The following SFPQ variants were observed in gnomAD, a reference collection of about 807,000 sequenced individuals.
SFPQ encodes the protein splicing factor proline and glutamine rich.
Under a neutral mutation model 72.9 loss-of-function variants are expected in SFPQ, and 11 were observed. The observed-to-expected ratio is 0.15, with a 90% CI of 0.09 to 0.25. The LOEUF is 0.25. Ranked by LOEUF, SFPQ falls within the 10% of genes least tolerant of loss-of-function variation. SFPQ has a pLI of 1.00. For missense variants in SFPQ, 847 were observed against 993.3 expected (o/e 0.85, Z 1.98); for synonymous variants, 506 against 367.3 (o/e 1.38, Z -4.32).
At chr1:35,190,347 T>C in intron 4 of SFPQ, 151 bp downstream of exon 4, 1 of 631,204 alleles carries the variant, frequency 1.6e-6, no homozygotes. Context: ...GAATAACAGC[T>C]TCAAATCTTT....
At chr1:35,181,779 T>C (rs1373781252), downstream of SFPQ, 1 of 985,144 alleles carries the variant, frequency 1.0e-6, no homozygotes, top group Non-Finnish European at 1.2e-6. Context: ...AGATCGACTT[T>C]TAGGAAACTA....
rs1372184297 is a variant in SFPQ at position 35,184,333 on chromosome 1, T to C, written c.*123A>G. 4 of 1,513,316 alleles carry C rather than the reference T, an allele frequency of 2.6e-6. No homozygotes were observed. Among genetic ancestry groups the C allele is most frequent in the Non-Finnish European group, 3.5e-6 (4 of 1,139,426 alleles). The allele number at this position is 1,513,316 out of a possible 1,614,324, so 93.7% of individuals were successfully genotyped here. A position where few individuals can be genotyped will look rare whatever the true frequency, so the allele number is the denominator to read the frequency against. On this transcript the variant is annotated 3_prime_UTR_variant, in exon 10 of 10. Transcript: ENST00000357214. The stretch of plus-strand genomic sequence containing the variant: ...TGCCCAAACAGACCATTTACAAATA[T>C]TAGGTCAATAAACTGCTAACATCCA...
intron 1 of SFPQ, among the ~76,000 whole-genome samples, chr1:35,191,800 A>C (rs1640013177): frequency 6.6e-6 from 1 of 152,232 alleles, no homozygotes. Context: ...TGTCCCTAAA[A>C]AAATCTAAAT....
downstream of SFPQ, chr1:35,178,282 C>A: frequency 9.1e-7 from 1 of 1,099,190 alleles, no homozygotes; most frequent in South Asian, 3.2e-5. Flanking sequence ...AAAAGCCTGA[C>A]TCTCAGTTTC....
chr1:35,184,396 A>G lies in SFPQ; in HGVS notation c.*60T>C. 1 of 1,579,676 alleles carries G rather than the reference A, an allele frequency of 6.3e-7. No individual in the cohort carries two copies. Among genetic ancestry groups the G allele is most frequent in the African/African-American group, 1.4e-5 (1 of 72,480 alleles). Reference sequence around the variant, plus strand: ...TTTCTTACTAAAATGCAAGAATTTAAAAGATTGGTATCTAAACAAAAAAAC... The same window carrying G: ...TTTCTTACTAAAATGCAAGAATTTAGAAGATTGGTATCTAAACAAAAAAAC... On this transcript the variant is annotated 3_prime_UTR_variant, in exon 10 of 10. Coordinates refer to ENST00000357214, the MANE Select transcript of SFPQ (RefSeq NM_005066.3).
In SFPQ at chr1:35,193,050, G is replaced by T; in HGVS notation, c.-1C>A. 1 of 1,573,914 alleles carries T rather than the reference G, an allele frequency of 6.4e-7. No homozygotes were observed. Among genetic ancestry groups the T allele is most frequent in the Non-Finnish European group, 8.6e-7 (1 of 1,168,128 alleles). On this transcript the variant is annotated 5_prime_UTR_variant, in exon 1 of 10. Coordinates refer to ENST00000357214, the MANE Select transcript of SFPQ (RefSeq NM_005066.3). ...GACTCCGGAACCGATCCCGAGACAT[G>T]TCTGTGGTCAAGGGGCGGTCGAGGC... is the stretch of plus-strand genomic sequence containing the variant.
At position 35,189,162 on chromosome 1, in the gene SFPQ, A is replaced by G. The variant is rs1298826782; in HGVS notation, c.1612+24T>C. The G allele has an allele frequency of 1.9e-6, 3 of 1,613,432 alleles. No homozygotes were observed. The Admixed American group carries it at 5.0e-5, about 27-fold the overall frequency. On this transcript the variant is annotated intron_variant, in intron 5 of 9. Transcript: ENST00000357214. ...TGAAAAACAATTGACCTTAGCAATG[A>G]TGTTCACGCACAGGTCTTTTTACCT...
At chr1:35,176,817 T>A (rs1232025066) in intron 5 of SFPQ, among the ~76,000 whole-genome samples, 1 of 147,172 alleles carries the variant, frequency 6.8e-6, no homozygotes, top group Admixed American at 6.9e-5. Flanking sequence ...GAGCTTGCGG[T>A]GAGCCAAGAC....
chr1:35,190,288 A>G (rs1639932464), intron 4 of SFPQ, among the ~76,000 whole-genome samples: 1 of 152,236 alleles, frequency 6.6e-6, no homozygotes, highest in South Asian at 2.1e-4. Context: ...TGCAGGGACA[A>G]AACAGGACTG....
chr1:35,179,528 T>C (rs772679546), downstream of SFPQ: 12 of 1,054,802 alleles, frequency 1.1e-5, no homozygotes, highest in South Asian at 9.1e-5. Context: ...CACCTCGGTA[T>C]AGCATTATTA....
At chr1:35,185,774 T>G (rs569659257) in intron 9 of SFPQ, among the ~76,000 whole-genome samples, 1 of 152,352 alleles carries the variant, frequency 6.6e-6, no homozygotes, top group Non-Finnish European at 1.5e-5. Flanking sequence ...ACAGGGTTTT[T>G]GGCTCATTGT....
At position 35,192,346 on chromosome 1, in the gene SFPQ, T is replaced by C. The variant is rs17855695; in HGVS notation, c.704A>G (p.His235Arg). 7.2e-7 allele frequency: 1 copy of C among 1,396,034 alleles called. No homozygotes were observed. The highest frequency in any genetic ancestry group is 9.2e-7 in the Non-Finnish European group (1 of 1,088,784). 86.5% of individuals were successfully genotyped at this position (1,396,034 alleles called of 1,614,324 possible). A position where few individuals can be genotyped will look rare whatever the true frequency, so the allele number is the denominator to read the frequency against. ...CCCGCGGGGCTCCCCGCCGCCTCGA[T>C]GCGGCGGCTTGGGGTGGCCGCCAGG... Reference protein sequence around the residue: ...STPGGHPKPPHRGGGEPRGGR... With the variant: ...STPGGHPKPPRRGGGEPRGGR... Residue 235 changes from histidine (H) to arginine (R), a missense_variant, in exon 1 of 10, where the codon CAT (histidine) becomes CGT (arginine). By Grantham distance (29) the His-to-Arg change is conservative. Coordinates refer to ENST00000357214, the MANE Select transcript of SFPQ (RefSeq NM_005066.3).
At chr1:35,192,110 C>T (rs892190743) in intron 1 of SFPQ, 112 bp downstream of exon 1, 3 of 920,726 alleles carry the variant, frequency 3.3e-6, no homozygotes, top group African/African-American at 1.7e-5. Flanking sequence ...GCGGCGCGCG[C>T]AAGCGCCCCT....
downstream of SFPQ, chr1:35,182,472 T>C: frequency 1.0e-6 from 1 of 985,236 alleles, no homozygotes; most frequent in Non-Finnish European, 1.2e-6. Context: ...ACCATGTACC[T>C]GTCAGTCATA....
chr1:35,185,217 C>A (rs976213601), intron 9 of SFPQ, among the ~76,000 whole-genome samples: 3 of 152,158 alleles, frequency 2.0e-5, no homozygotes, highest in Non-Finnish European at 4.4e-5. Flanking sequence ...GTAACTTGAT[C>A]AAAAAAACTT....
rs1639962522 is a variant in SFPQ, at chr1:35,190,875, G to C, written c.1138C>G (p.Pro380Ala). The C allele has an allele frequency of 1.9e-6, 3 of 1,614,028 alleles. No individual in the cohort carries two copies. Among genetic ancestry groups the C allele is most frequent in the African/African-American group, 1.3e-5 (1 of 74,890 alleles). The stretch of plus-strand genomic sequence containing the variant: ...TCCAACAGTTCATTGGAAACATAAG[G>C]TGAAAGATTACGAACAGAAAGGGCA... ...AAALSVRNLS[P>A]YVSNELLEEA... is the part of the protein sequence containing the mutation. Residue 380 changes from proline to alanine, a missense_variant, in exon 3 of 10, where the codon CCT (proline) becomes GCT (alanine). Physicochemically the swap from Pro to Ala is conservative, Grantham distance 27. Around this residue, in one of 6 missense-constraint regions of SFPQ, gnomAD observed 132 missense variants for 255.4 expected, o/e 0.52. Transcript: ENST00000357214.
Position 35,188,181 on chromosome 1 carries a change from G to A in SFPQ, c.1698-91C>T, listed in dbSNP as rs1570128891. 5 of 956,328 alleles carry A rather than the reference G, an allele frequency of 5.2e-6. No homozygotes were observed. In the East Asian group the frequency reaches 9.5e-5, roughly 18 times the overall value. 59.2% of individuals were successfully genotyped at this position (956,328 alleles called of 1,614,324 possible). A position where few individuals can be genotyped will look rare whatever the true frequency, so the allele number is the denominator to read the frequency against. On this transcript the variant is annotated intron_variant, in intron 6 of 9. Coordinates refer to ENST00000357214, the MANE Select transcript of SFPQ (RefSeq NM_005066.3). ...AACCTAGCAGTTGACCTAAGAACTA[G>A]GTTAGCACTAAAAAACACAAAGGCT... is the stretch of plus-strand genomic sequence containing the variant.
chr1:35,181,763 A>G (rs969722555), downstream of SFPQ: 4 of 985,310 alleles, frequency 4.1e-6, no homozygotes, highest in Non-Finnish European at 4.8e-6. Flanking sequence ...TCCCACCCCA[A>G]GTTTCAGATC....
chr1:35,177,980 G>C (rs1036867633), downstream of SFPQ: 11 of 1,243,528 alleles, frequency 8.8e-6, no homozygotes, highest in South Asian at 1.5e-5. Flanking sequence ...ATTTCTAAAG[G>C]AAACTTACTT....
Sources: allele counts gnomAD v4.1 joint callset (sites outside exome capture counted in the v4.1 genomes callset), GRCh38; gene constraint gnomAD v4.1.1; regional missense constraint gnomAD v4.1.1; transcripts MANE v1.5; gene names NCBI Gene and HGNC (gene_info 2026-07-23, HGNC 2026-07-21).